PPA2: variants seen among roughly 807,000 people sequenced by gnomAD.
The protein encoded by PPA2 is inorganic pyrophosphatase 2.
A neutral mutation model predicts 49.5 loss-of-function variants in PPA2; 48 were observed. The ratio of observed to expected loss-of-function variants is 0.97; its 90% CI spans 0.77 to 1.23. The LOEUF (loss-of-function observed/expected upper bound fraction) is 1.23, where lower values mean the gene tolerates loss of function less well. Among genes scored for constraint, PPA2 ranks in the 50% most tolerant of loss-of-function variants. The probability of loss-of-function intolerance (pLI) is 0.00; values close to 1 mark genes in which losing one functional copy is unlikely to be tolerated. For missense variants in PPA2, 429 were observed against 410.1 expected (o/e 1.05, Z -0.40); for synonymous variants, 131 against 139.9 (o/e 0.94, Z 0.45).
intron 6 of PPA2, among the ~76,000 whole-genome samples, chr4:105,433,588 A>C (rs1157263821): frequency 6.6e-6 from 1 of 152,242 alleles, no homozygotes; most frequent in Non-Finnish European, 1.5e-5. Context: ...TAATAGCTAA[A>C]GCTACATCTG....
intron 1 of PPA2, 118 bp downstream of exon 1, chr4:105,473,776 C>A (rs1207960662): frequency 4.2e-6 from 6 of 1,440,074 alleles, no homozygotes; most frequent in Non-Finnish European, 5.7e-6. Context: ...GCGGCTACCG[C>A]TGAGGGCCCC....
intron 7 of PPA2, among the ~76,000 whole-genome samples, chr4:105,409,307 A>C (rs1038516597): frequency 6.6e-6 from 1 of 152,226 alleles, no homozygotes; most frequent in South Asian, 2.1e-4. Flanking sequence ...CTAGCGCAGC[A>C]GTCTAAGATC....
At chr4:105,458,924 GCACTTAT>G (rs1046851056) in intron 1 of PPA2, among the ~76,000 whole-genome samples, 5 of 149,014 alleles carry the variant, frequency 3.4e-5, no homozygotes, top group African/African-American at 1.2e-4. Context: ...CTTTACCTTA[GCACTTAT>G]CACTAGAATT....
chr4:105,415,350 G>T (rs375257993), intron 7 of PPA2, among the ~76,000 whole-genome samples: 1 of 152,208 alleles, frequency 6.6e-6, no homozygotes, highest in African/African-American at 2.4e-5. Flanking sequence ...CACCTCTTTG[G>T]CCTCCCTCCC....
intron 5 of PPA2, among the ~76,000 whole-genome samples, chr4:105,444,830 A>G (rs1018448074): frequency 8.5e-5 from 13 of 152,344 alleles, no homozygotes; most frequent in Admixed American, 3.3e-4. Context: ...ATACGATAAT[A>G]AAAGTACCAG....
In PPA2 at chr4:105,467,531, T is replaced by C. The variant is rs1723355027; in HGVS notation, c.157+6363A>G. ...AGTGAAATGGAAAGCCACTGGCATT[T>C]TCAGCAGAGCTTGTACATTATCTGA... is the stretch of plus-strand genomic sequence containing the variant. On this transcript the variant is annotated intron_variant, in intron 1 of 11. Transcript: ENST00000341695. 2.0e-5 allele frequency among the ~76,000 whole-genome samples: 3 copies of C among 152,218 alleles called. No individual in the cohort carries two copies. In the South Asian group the frequency reaches 6.2e-4, roughly 32 times the overall value.
At chr4:105,442,563 C>A (rs540976001) in intron 5 of PPA2, among the ~76,000 whole-genome samples, 3 of 152,210 alleles carry the variant, frequency 2.0e-5, no homozygotes, top group Admixed American at 2.0e-4. Context: ...AATATTCACT[C>A]AATGAGATGT....
intron 1 of PPA2, among the ~76,000 whole-genome samples, chr4:105,472,323 A>C (rs1323941241): frequency 6.6e-6 from 1 of 152,202 alleles, no homozygotes; most frequent in East Asian, 1.9e-4. Flanking sequence ...CTGGCTTCTC[A>C]AGCCTGTTTT....
intron 7 of PPA2, among the ~76,000 whole-genome samples, chr4:105,411,475 C>T (rs1722754700): frequency 6.6e-6 from 1 of 152,072 alleles, no homozygotes; most frequent in African/African-American, 2.4e-5. Flanking sequence ...AAACCCACAG[C>T]CAATATCATA....
At chr4:105,409,202 T>C (rs1164693735) in intron 7 of PPA2, among the ~76,000 whole-genome samples, 1 of 152,218 alleles carries the variant, frequency 6.6e-6, no homozygotes, top group Admixed American at 6.5e-5. Flanking sequence ...CACCCAAATA[T>C]GCGCTTTTCC....
chr4:105,373,902 A>G (rs1172905619), intron 10 of PPA2, among the ~76,000 whole-genome samples: 1 of 152,148 alleles, frequency 6.6e-6, no homozygotes, highest in Non-Finnish European at 1.5e-5. Context: ...TGAAAACATC[A>G]GTAATAATGG....
intron 1 of PPA2, among the ~76,000 whole-genome samples, chr4:105,470,678 ATTT>A: frequency 6.6e-6 from 1 of 152,324 alleles, no homozygotes; most frequent in East Asian, 1.9e-4. Flanking sequence ...AATAAATAAC[ATTT>A]ATTAAATACC....
At chr4:105,447,362 G>T (rs72952256) in intron 4 of PPA2, among the ~76,000 whole-genome samples, 5,469 of 152,134 alleles carry the variant, frequency 0.036, 326 homozygotes, top group African/African-American at 0.12. Context: ...AGCAGAGAGT[G>T]GAATTATAGT....
intron 7 of PPA2, among the ~76,000 whole-genome samples, chr4:105,403,084 T>C (rs1211929828): frequency 1.3e-5 from 2 of 152,086 alleles, no homozygotes; most frequent in Non-Finnish European, 2.9e-5. Context: ...GAGTACACTG[T>C]GCAATCACGG....
At chr4:105,376,510 A>T (rs1733259079) in intron 10 of PPA2, among the ~76,000 whole-genome samples, 2 of 152,158 alleles carry the variant, frequency 1.3e-5, no homozygotes, top group African/African-American at 4.8e-5. Flanking sequence ...TTTATCCGAG[A>T]CTAGTTTTAG....
intron 6 of PPA2, among the ~76,000 whole-genome samples, chr4:105,431,857 C>A (rs896388558): frequency 1.3e-5 from 2 of 152,136 alleles, no homozygotes; most frequent in African/African-American, 4.8e-5. Flanking sequence ...AGACCATTTA[C>A]ATGAAATATC....
chr4:105,439,111 T>C (rs1160098129), intron 5 of PPA2, among the ~76,000 whole-genome samples: 1 of 152,140 alleles, frequency 6.6e-6, no homozygotes, highest in Non-Finnish European at 1.5e-5. Flanking sequence ...TAATCTTACA[T>C]ACTGGTCATA....
intron 7 of PPA2, among the ~76,000 whole-genome samples, chr4:105,422,268 T>C (rs1723285751): frequency 6.6e-6 from 1 of 152,234 alleles, no homozygotes; most frequent in African/African-American, 2.4e-5. Flanking sequence ...CAATGATAAA[T>C]GTATTGGTGT....
At chr4:105,468,703 T>C (rs918847206) in intron 1 of PPA2, among the ~76,000 whole-genome samples, 1 of 152,200 alleles carries the variant, frequency 6.6e-6, no homozygotes, top group Non-Finnish European at 1.5e-5. Flanking sequence ...AATACCAGCA[T>C]GCAGAGTACT....
Sources: allele counts gnomAD v4.1 joint callset (sites outside exome capture counted in the v4.1 genomes callset), GRCh38; gene constraint gnomAD v4.1.1; transcripts MANE v1.5; gene names NCBI Gene and HGNC (gene_info 2026-07-23, HGNC 2026-07-21).